The following CAMTA1 variants were observed in gnomAD, a reference collection of about 807,000 sequenced individuals.
CAMTA1 encodes calmodulin-binding transcription activator 1.
Under a neutral mutation model 170.9 loss-of-function variants are expected in CAMTA1, and 27 were observed. The ratio of observed to expected loss-of-function variants is 0.16; its 90% CI spans 0.12 to 0.22. The LOEUF (loss-of-function observed/expected upper bound fraction) is 0.22. CAMTA1 is among the 10% of genes least tolerant of loss of function. The probability of loss-of-function intolerance (pLI) is 1.00; values close to 1 mark genes in which losing one functional copy is unlikely to be tolerated. For synonymous variants in CAMTA1, 833 were observed against 891.5 expected, an observed-to-expected ratio of 0.93 and a Z score of 1.17; for missense variants, 1,619 against 2,217.2, an observed-to-expected ratio of 0.73 and a Z score of 5.42.
rs1392591821 is a variant in CAMTA1 at position 7,299,723 on chromosome 1, G to A, written c.438+50097G>A. Among the ~76,000 whole-genome samples, 5 of 152,126 alleles carry A rather than the reference G, an allele frequency of 3.3e-5. No individual in the cohort carries two copies. The highest frequency in any genetic ancestry group is 7.4e-5 in the Non-Finnish European group (5 of 68,020). Reference sequence around the variant, plus strand: ...TACAAGCAGGGACTGTGGGTGAGAGGGTACAAGGAGGTGTTCCAACCCCTC... The same window carrying A: ...TACAAGCAGGGACTGTGGGTGAGAGAGTACAAGGAGGTGTTCCAACCCCTC... On this transcript the variant is annotated intron_variant, in intron 5 of 22. Transcript: ENST00000303635. The surrounding 1 kb of genome is among the most constrained non-coding windows in gnomAD (Gnocchi z 4.7).
At chr1:7,269,056 A>G (rs917730366) in intron 5 of CAMTA1, among the ~76,000 whole-genome samples, 7 of 152,338 alleles carry the variant, frequency 4.6e-5, no homozygotes, top group Admixed American at 3.3e-4. Context: ...CAAATGTATC[A>G]GCTTAAAACA....
At chr1:7,652,863 A>G (rs2095856665) in intron 7 of CAMTA1, among the ~76,000 whole-genome samples, 1 of 152,026 alleles carries the variant, frequency 6.6e-6, no homozygotes, top group Non-Finnish European at 1.5e-5. Context: ...AAAGAGCTTG[A>G]ATCTGCAGCC....
intron 3 of CAMTA1, among the ~76,000 whole-genome samples, chr1:6,846,558 A>G (rs1372745461): frequency 6.6e-6 from 1 of 152,208 alleles, no homozygotes; most frequent in Non-Finnish European, 1.5e-5. Flanking sequence ...AAAACTAGAA[A>G]CATTTTTAGC....
intron 4 of CAMTA1, among the ~76,000 whole-genome samples, chr1:7,174,120 A>G (rs1241284671): frequency 6.6e-6 from 1 of 152,072 alleles, no homozygotes; most frequent in Admixed American, 6.5e-5. Flanking sequence ...CTGATCAGGG[A>G]GCAGTGCAAA....
At chr1:6,899,552 GCGCACACACA>G (rs1438253383) in intron 3 of CAMTA1, among the ~76,000 whole-genome samples, 2,314 of 104,782 alleles carry the variant, frequency 0.022, 47 homozygotes, top group African/African-American at 0.073. Flanking sequence ...GCACGCGCGC[GCGCACACACA>G]CACACACACA....
intron 4 of CAMTA1, among the ~76,000 whole-genome samples, chr1:7,225,588 G>A (rs1661558732): frequency 6.6e-6 from 1 of 152,226 alleles, no homozygotes; most frequent in Non-Finnish European, 1.5e-5. Context: ...CCCATCAAGA[G>A]TGGCGAGGCC....
rs2093558190 is a variant in CAMTA1 at position 7,482,761 on chromosome 1, A to G, written c.510+14860A>G. Among the ~76,000 whole-genome samples the G allele has an allele frequency of 6.6e-6, 1 of 152,198 alleles. No homozygotes were observed. Among genetic ancestry groups the G allele is most frequent in the African/African-American group, 2.4e-5 (1 of 41,454 alleles). On this transcript the variant is annotated intron_variant, in intron 6 of 22. Coordinates refer to ENST00000303635, the MANE Select transcript of CAMTA1 (RefSeq NM_015215.4). This position sits in a 1 kb window ranked among gnomAD's most constrained non-coding sequence, Gnocchi z 4.2. ...CTCAGAAAAACACTGTCGGTTCCAA[A>G]GAAATGAGCTCCCATGGGGTCTCAT...
At position 7,293,674 on chromosome 1, in the gene CAMTA1, G is replaced by T. The variant is rs1014288054; in HGVS notation, c.438+44048G>T. Among the ~76,000 whole-genome samples, 3 of 152,214 alleles carry T rather than the reference G, an allele frequency of 2.0e-5. No homozygotes were observed. The highest frequency in any genetic ancestry group is 4.8e-5 in the African/African-American group (2 of 41,452). On this transcript the variant is annotated intron_variant, in intron 5 of 22. Transcript: ENST00000303635. This position sits in a 1 kb window ranked among gnomAD's most constrained non-coding sequence, Gnocchi z 4.1. ...GTGGAAATAGATTGCATCCCACTTA[G>T]GACTCTCAGTGGGGGAGTCTAAACA...
In CAMTA1 at chr1:7,064,068, TCTCCTC is replaced by T. The variant is rs371043973; in HGVS notation, c.235-27221_235-27216del. Among the ~76,000 whole-genome samples, 12 of 151,596 alleles carry T rather than the reference TCTCCTC, an allele frequency of 7.9e-5. No individual in the cohort carries two copies. The highest frequency in any genetic ancestry group is 4.2e-4 in the South Asian group (2 of 4,770). On this transcript the variant is annotated intron_variant, in intron 3 of 22. Coordinates refer to ENST00000303635, the MANE Select transcript of CAMTA1 (RefSeq NM_015215.4). This position sits in a 1 kb window ranked among gnomAD's most constrained non-coding sequence, Gnocchi z 5.4. The stretch of plus-strand genomic sequence containing the variant: ...ATGGTGGGAGCCTTTGCCTTCACCT[TCTCCTC>T]CTCCTCCTCCTCCTTCTTCTCCTCC...
rs191046706 is a variant in CAMTA1 at position 7,226,934 on chromosome 1, G to A, written c.303-22557G>A. ...TGCAAGCTCCGCCTCCTGGGTTGAC[G>A]CCATTCTCCTGCCTTAGCCTCCTGA... On this transcript the variant is annotated intron_variant, in intron 4 of 22. Coordinates refer to ENST00000303635, the MANE Select transcript of CAMTA1 (RefSeq NM_015215.4). Among the ~76,000 whole-genome samples, 1,074 of 152,128 alleles carry A rather than the reference G, an allele frequency of 7.1e-3. 2 individuals are homozygous for A. Among genetic ancestry groups the A allele is most frequent in the South Asian group, 0.018 (85 of 4,822 alleles).
chr1:6,915,204 CTAAG>C (rs1283212296), intron 3 of CAMTA1, among the ~76,000 whole-genome samples: 1 of 152,128 alleles, frequency 6.6e-6, no homozygotes, highest in African/African-American at 2.4e-5. Flanking sequence ...GTGGATTCGT[CTAAG>C]TAGTTTCATT....
chr1:6,917,771 A>C (rs1285887642), intron 3 of CAMTA1, among the ~76,000 whole-genome samples: 3 of 110,934 alleles, frequency 2.7e-5, no homozygotes, highest in South Asian at 6.2e-4. Flanking sequence ...CCCACAGGAG[A>C]GGGCAGAGTG....
At chr1:7,391,002 T>G (rs1290701676) in intron 5 of CAMTA1, among the ~76,000 whole-genome samples, 3 of 152,064 alleles carry the variant, frequency 2.0e-5, no homozygotes, top group East Asian at 1.9e-4. Flanking sequence ...GAATCTGGGT[T>G]GTTGTTTTTT....
chr1:7,421,159 T>C (rs1394806000), intron 5 of CAMTA1, among the ~76,000 whole-genome samples: 1 of 151,640 alleles, frequency 6.6e-6, no homozygotes, highest in Non-Finnish European at 1.5e-5. Flanking sequence ...TTCTTTCTTT[T>C]TTTTTTTTTT....
chr1:7,297,580 C>G (rs968553833), intron 5 of CAMTA1, among the ~76,000 whole-genome samples: 4 of 152,222 alleles, frequency 2.6e-5, no homozygotes, highest in Admixed American at 2.6e-4. Context: ...TGCCCTCAAC[C>G]AAGTACTCAC....
Position 6,825,014 on chromosome 1 carries a change from A to G in CAMTA1, c.116-78A>G, listed in dbSNP as rs12138800. The G allele has an allele frequency of 2.8e-3, 2,262 of 796,658 alleles. 6 individuals carry two copies. The highest frequency in any genetic ancestry group is 4.1e-3 in the South Asian group (219 of 54,068). The allele number at this position is 796,658 out of a possible 1,614,324, so 49.3% of individuals were successfully genotyped here. The stretch of plus-strand genomic sequence containing the variant: ...CTCACATTGACTAAACTGAGCTGCT[A>G]TTTCTGACTTTGTCAGTGTACTTTA... On this transcript the variant is annotated intron_variant, in intron 2 of 22. Transcript: ENST00000303635.
chr1:7,206,854 CT>C (rs1307484380), intron 4 of CAMTA1, among the ~76,000 whole-genome samples: 7 of 152,264 alleles, frequency 4.6e-5, no homozygotes, highest in Admixed American at 2.6e-4. Context: ...AATGACTTCT[CT>C]TAAGTCCTTG....
At chr1:6,842,407 A>G (rs890744694) in intron 3 of CAMTA1, among the ~76,000 whole-genome samples, 1 of 152,226 alleles carries the variant, frequency 6.6e-6, no homozygotes, top group Admixed American at 6.5e-5. Context: ...GCCCTGCTGC[A>G]TGTTAGACTC....
intron 3 of CAMTA1, among the ~76,000 whole-genome samples, chr1:6,863,092 G>A (rs1344665992): frequency 6.6e-6 from 1 of 152,188 alleles, no homozygotes; most frequent in African/African-American, 2.4e-5. Flanking sequence ...TGTACATTGT[G>A]TAATGATTAG....
Sources: gnomAD v4.1 joint callset for allele counts (sites outside exome capture counted in the v4.1 genomes callset) on GRCh38, gnomAD v4.1.1 for gene constraint, Gnocchi (gnomAD v3.1) non-coding constraint, MANE v1.5 for transcripts, NCBI Gene and HGNC (gene_info 2026-07-23, HGNC 2026-07-21) for gene names.